The following FRMD6 variants were observed in gnomAD, a reference collection of about 807,000 sequenced individuals.
FRMD6 encodes FERM domain containing 6, also known as FERM domain-containing protein 6.
FRMD6 carries 37 observed loss-of-function variants against 73.2 expected under a neutral mutation model. The ratio of observed to expected loss-of-function variants is 0.51; its 90% confidence interval spans 0.39 to 0.66. FRMD6 has a LOEUF of 0.66. FRMD6 is among the 30% of genes least tolerant of loss of function. The pLI, the probability that FRMD6 is intolerant of heterozygous loss-of-function variation, is 0.00. For synonymous variants in FRMD6, 273 were observed against 282.2 expected, an observed-to-expected ratio of 0.97 and a Z score of 0.33; for missense variants, 714 against 780.5, an observed-to-expected ratio of 0.91 and a Z score of 1.02.
At chr14:51,719,094 A>G (rs766866699) in intron 10 of FRMD6, among the ~76,000 whole-genome samples, 16 of 152,222 alleles carry the variant, frequency 1.1e-4, no homozygotes, top group Non-Finnish European at 2.1e-4. Flanking sequence ...CACCAGTATT[A>G]AAAAGGCAAG....
intron 1 of FRMD6, among the ~76,000 whole-genome samples, chr14:51,536,603 G>T (rs758463303): frequency 3.5e-4 from 53 of 151,888 alleles, no homozygotes; most frequent in Non-Finnish European, 5.6e-4. Flanking sequence ...TTTTAATAGA[G>T]ACGAGATTTC....
In FRMD6 at chr14:51,702,565, T is replaced by C; in HGVS notation, c.348T>C (p.Tyr116=). 1 of 1,611,914 alleles carries C rather than the reference T, an allele frequency of 6.2e-7. No homozygotes were observed. Among genetic ancestry groups the C allele is most frequent in the African/African-American group, 1.3e-5 (1 of 74,904 alleles). The part of the protein sequence containing the change: ...PMIIHFRVQY[Y]VENGRLISDR... ...TCATCCACTTCCGTGTGCAGTACTA[T>C]GTGGAAAATGGCAGATTGATCAGGT... is the stretch of plus-strand genomic sequence containing the variant. Residue 116 remains tyrosine, a synonymous_variant, in exon 5 of 14, where the codon TAT becomes TAC. Coordinates refer to ENST00000344768, the MANE Select transcript of FRMD6 (RefSeq NM_001267046.2).
At chr14:51,504,953 G>A (rs1300505698) in intron 1 of FRMD6, among the ~76,000 whole-genome samples, 1 of 152,236 alleles carries the variant, frequency 6.6e-6, no homozygotes, top group African/African-American at 2.4e-5. Context: ...ACAGCGCCAT[G>A]CTCCTATTCC....
chr14:51,574,574 CA>C (rs1237203756), intron 2 of FRMD6, among the ~76,000 whole-genome samples: 7 of 152,018 alleles, frequency 4.6e-5, no homozygotes, highest in Admixed American at 4.6e-4. Context: ...CACAGGAAGA[CA>C]AACTTCACAT....
the FRMD6 span, among the ~76,000 whole-genome samples, chr14:51,409,487 T>C: frequency 6.6e-6 from 1 of 152,152 alleles, no homozygotes; most frequent in Admixed American, 6.5e-5. Context: ...TAGCCCACCA[T>C]TGAGAAGTGG....
At chr14:51,689,627 C>G (rs372543563) in intron 1 of FRMD6, 64 bp from the exon 2 acceptor site, 1 of 567,676 alleles carries the variant, frequency 1.8e-6, no homozygotes. Context: ...GCTTATCTTC[C>G]TGACGCGCTC....
At chr14:51,455,742 C>T in the FRMD6 span, among the ~76,000 whole-genome samples, 24 of 152,166 alleles carry the variant, frequency 1.6e-4, 1 homozygote, top group East Asian at 2.1e-3. Flanking sequence ...GCAAAGCAAA[C>T]GTCTGGGAAT....
intron 2 of FRMD6, among the ~76,000 whole-genome samples, chr14:51,594,699 G>A (rs1476254678): frequency 6.6e-6 from 1 of 152,230 alleles, no homozygotes; most frequent in East Asian, 1.9e-4. Flanking sequence ...TTGACCTTAG[G>A]CGATCCACCT....
intron 2 of FRMD6, among the ~76,000 whole-genome samples, chr14:51,571,241 T>C (rs1356067505): frequency 1.3e-5 from 2 of 152,114 alleles, no homozygotes; most frequent in Non-Finnish European, 2.9e-5. Flanking sequence ...TAGCCAGGCC[T>C]GGTGGCACAC....
intron 1 of FRMD6, among the ~76,000 whole-genome samples, chr14:51,517,555 G>C (rs1321972440): frequency 3.3e-5 from 5 of 151,966 alleles, no homozygotes; most frequent in Non-Finnish European, 5.9e-5. Context: ...CTGTTGGTGG[G>C]GAAGAATAGA....
intron 1 of FRMD6, among the ~76,000 whole-genome samples, chr14:51,524,017 C>T (rs900592158): frequency 2.1e-4 from 32 of 152,160 alleles, no homozygotes; most frequent in African/African-American, 7.5e-4. Flanking sequence ...TGGGAAATGG[C>T]CCAGCTGCTT....
chr14:51,586,001 T>C (rs1347887047), intron 2 of FRMD6, among the ~76,000 whole-genome samples: 4 of 135,764 alleles, frequency 2.9e-5, no homozygotes, highest in African/African-American at 1.1e-4. Flanking sequence ...GGTACTTGGA[T>C]TGATTCCATG....
At chr14:51,669,060 T>C (rs541660029) in intron 1 of FRMD6, among the ~76,000 whole-genome samples, 2 of 152,350 alleles carry the variant, frequency 1.3e-5, no homozygotes, top group South Asian at 2.1e-4. Context: ...AATGTATATA[T>C]CATCATGTAA....
chr14:51,648,152 A>C (rs1892163922), upstream of FRMD6, among the ~76,000 whole-genome samples: 1 of 152,158 alleles, frequency 6.6e-6, no homozygotes, highest in African/African-American at 2.4e-5. Context: ...CAAAAGATAA[A>C]AATAATTTTT....
intron 1 of FRMD6, among the ~76,000 whole-genome samples, chr14:51,663,942 A>G (rs760057614): frequency 3.9e-4 from 60 of 152,192 alleles, no homozygotes; most frequent in Non-Finnish European, 6.8e-4. Context: ...TAATCCACTC[A>G]TAAGGACTTG....
Position 51,730,655 on chromosome 14 carries a change from A to G in FRMD6, c.*2626A>G, listed in dbSNP as rs1898210379. On this transcript the variant is annotated 3_prime_UTR_variant, in exon 14 of 14. Transcript: ENST00000344768. ...AAGTATGTAAAAAGAAACCTGCATT[A>G]TTTTGTAATTATTTCTTATAGATAT... 1 of 152,376 alleles carries G rather than the reference A, an allele frequency of 6.6e-6. No individual in the cohort carries two copies. The highest frequency in any genetic ancestry group is 1.5e-5 in the Non-Finnish European group (1 of 68,014). 9.4% of individuals were successfully genotyped at this position (152,376 alleles called of 1,614,324 possible). A position where few individuals can be genotyped will look rare whatever the true frequency, so the allele number is the denominator to read the frequency against.
At chr14:51,583,376 A>T (rs1039802700) in intron 2 of FRMD6, among the ~76,000 whole-genome samples, 8 of 152,370 alleles carry the variant, frequency 5.3e-5, no homozygotes, top group African/African-American at 1.4e-4. Flanking sequence ...ACACAAAGTC[A>T]TAGAAAATAG....
chr14:51,706,090 C>G (rs770439672), intron 6 of FRMD6, among the ~76,000 whole-genome samples: 1 of 152,102 alleles, frequency 6.6e-6, no homozygotes. Flanking sequence ...GTATTCCTAC[C>G]TCTGAGTACG....
chr14:51,599,638 T>C (rs74052603), intron 2 of FRMD6, among the ~76,000 whole-genome samples: 32 of 151,990 alleles, frequency 2.1e-4, no homozygotes, highest in African/African-American at 7.2e-4. Context: ...ACCTAAACAA[T>C]TGAACAAGCA....
Sources: allele counts gnomAD v4.1 joint callset (sites outside exome capture counted in the v4.1 genomes callset), GRCh38; gene constraint gnomAD v4.1.1; transcripts MANE v1.5; gene names NCBI Gene and HGNC (gene_info 2026-07-23, HGNC 2026-07-21).